The following RAP1GDS1 variants were observed in gnomAD, a reference collection of about 807,000 sequenced individuals.
The protein encoded by RAP1GDS1 is Rap1 GTPase-GDP dissociation stimulator 1.
A neutral mutation model predicts 71.1 loss-of-function variants in RAP1GDS1; 35 were observed. That is an observed-to-expected ratio of 0.49 (90% CI 0.38 to 0.65). The LOEUF (loss-of-function observed/expected upper bound fraction) is 0.65. Among genes scored for constraint, RAP1GDS1 ranks in the 30% least tolerant of loss-of-function variants. The pLI, the probability that RAP1GDS1 is intolerant of heterozygous loss-of-function variation, is 0.00. For missense variants in RAP1GDS1, 663 were observed against 706.1 expected, an observed-to-expected ratio of 0.94 and a Z score of 0.69; for synonymous variants, 229 against 243.1, an observed-to-expected ratio of 0.94 and a Z score of 0.54.
intron 2 of RAP1GDS1, among the ~76,000 whole-genome samples, chr4:98,342,373 C>T (rs1735608112): frequency 6.6e-6 from 1 of 152,222 alleles, no homozygotes; most frequent in South Asian, 2.1e-4. Context: ...TGCCATTTCT[C>T]TTCATTGTTC....
At chr4:98,334,191 A>G (rs1015217750) in intron 2 of RAP1GDS1, among the ~76,000 whole-genome samples, 5 of 152,180 alleles carry the variant, frequency 3.3e-5, no homozygotes, top group African/African-American at 9.6e-5. Context: ...ATCAGATTTT[A>G]CTATGTAGAC....
intron 1 of RAP1GDS1, among the ~76,000 whole-genome samples, chr4:98,272,992 T>C (rs1265991102): frequency 6.6e-6 from 1 of 152,200 alleles, no homozygotes; most frequent in Non-Finnish European, 1.5e-5. Flanking sequence ...TACCAGAGAA[T>C]GGTCGACATT....
At position 98,352,706 on chromosome 4, in the gene RAP1GDS1, C is replaced by T. The variant is rs903848022; in HGVS notation, c.361+105C>T. 5.0e-6 allele frequency: 6 copies of T among 1,211,594 alleles called. No homozygotes were observed. The African/African-American group carries it at 6.1e-5, about 12-fold the overall frequency. The allele number at this position is 1,211,594 out of a possible 1,614,324, so 75.1% of individuals were successfully genotyped here. A position where few individuals can be genotyped will look rare whatever the true frequency, so the allele number is the denominator to read the frequency against. On this transcript the variant is annotated intron_variant, in intron 4 of 14. Coordinates refer to ENST00000408927, the MANE Select transcript of RAP1GDS1 (RefSeq NM_001100427.2). ...TGACTTTTCTAGGCTAAAACACTAA[C>T]ATGGGCCGGCATGATTCAGCACTGC...
At chr4:98,419,603 A>G (rs184851070) in intron 10 of RAP1GDS1, among the ~76,000 whole-genome samples, 7 of 152,350 alleles carry the variant, frequency 4.6e-5, no homozygotes, top group Non-Finnish European at 8.8e-5. Context: ...TGATGATCCA[A>G]TCCATTTGAA....
chr4:98,409,215 A>T (rs1263905834), intron 7 of RAP1GDS1: 1 of 152,182 alleles, frequency 6.6e-6, no homozygotes, highest in Non-Finnish European at 1.5e-5. Context: ...AAAAGAAAAA[A>T]CAGAAAATAA....
intron 12 of RAP1GDS1, among the ~76,000 whole-genome samples, chr4:98,423,997 A>AT (rs1325995032): frequency 6.6e-6 from 1 of 152,200 alleles, no homozygotes; most frequent in African/African-American, 2.4e-5. Flanking sequence ...TTTGAAACAA[A>AT]TTTCATATGG....
chr4:98,293,886 A>G (rs1009865570), intron 2 of RAP1GDS1, among the ~76,000 whole-genome samples: 12 of 151,964 alleles, frequency 7.9e-5, no homozygotes, highest in Non-Finnish European at 1.6e-4. Flanking sequence ...GTGGGGAGGG[A>G]GAGAGAGGAG....
intron 3 of RAP1GDS1, among the ~76,000 whole-genome samples, chr4:98,347,307 TAAAAG>T (rs1425127410): frequency 5.3e-5 from 8 of 151,970 alleles, no homozygotes; most frequent in Non-Finnish European, 8.8e-5. Context: ...TTTGAGAAAG[TAAAAG>T]AAAGAAAGTA....
rs550483725 is a variant in RAP1GDS1 at position 98,402,167 on chromosome 4, G to T, written c.638-2310G>T. The stretch of plus-strand genomic sequence containing the variant: ...TGCTCACTGCACCTCTGCCTCTCAG[G>T]TTTAAGTGATTGTTGTGCCTCAGCC... On this transcript the variant is annotated intron_variant, in intron 6 of 14. Transcript: ENST00000408927. Among the ~76,000 whole-genome samples, 115 of 152,250 alleles carry T rather than the reference G, an allele frequency of 7.6e-4. 2 individuals carry two copies. Among genetic ancestry groups the T allele is most frequent in the African/African-American group, 2.6e-3 (110 of 41,536 alleles).
chr4:98,430,532 A>G (rs567090831), intron 12 of RAP1GDS1, among the ~76,000 whole-genome samples: 95 of 152,346 alleles, frequency 6.2e-4, no homozygotes, highest in African/African-American at 2.2e-3. Flanking sequence ...TTGCATAGGT[A>G]GATTAGTTAT....
chr4:98,369,237 G>T (rs1021551489), intron 4 of RAP1GDS1, among the ~76,000 whole-genome samples: 2 of 152,178 alleles, frequency 1.3e-5, no homozygotes, highest in African/African-American at 4.8e-5. Flanking sequence ...TTCAAGATGA[G>T]ATTTGGGTGG....
chr4:98,421,370 C>T lies in RAP1GDS1; in HGVS notation c.1416C>T (p.Ala472=). Residue 472 remains alanine (A), a synonymous_variant, in exon 12 of 15, where the codon GCC becomes GCT. Transcript: ENST00000408927. ...GGGAGTCAAACAGACTGCTGTCTGCCCTTATACGACACAGTAAATCAAAAG... is the reference window on the plus strand; with the variant it reads ...GGGAGTCAAACAGACTGCTGTCTGCTCTTATACGACACAGTAAATCAAAAG... ...VMGESNRLLS[A]LIRHSKSKDV... is the part of the protein sequence containing the mutation. 6.2e-7 allele frequency: 1 copy of T among 1,600,520 alleles called. No individual in the cohort carries two copies. The highest frequency in any genetic ancestry group is 8.5e-7 in the Non-Finnish European group (1 of 1,173,048).
chr4:98,341,843 A>G (rs1433289929), intron 2 of RAP1GDS1, among the ~76,000 whole-genome samples: 1 of 152,168 alleles, frequency 6.6e-6, no homozygotes, highest in Non-Finnish European at 1.5e-5. Flanking sequence ...GGGTACAAGG[A>G]GCAGTGGTTT....
At chr4:98,299,274 A>G (rs946635737) in intron 2 of RAP1GDS1, among the ~76,000 whole-genome samples, 2 of 152,188 alleles carry the variant, frequency 1.3e-5, no homozygotes, top group Non-Finnish European at 2.9e-5. Flanking sequence ...TCTATGGTGT[A>G]TATGTGCCAC....
At chr4:98,425,367 A>C (rs762369701) in intron 12 of RAP1GDS1, among the ~76,000 whole-genome samples, 6 of 152,224 alleles carry the variant, frequency 3.9e-5, no homozygotes, top group Non-Finnish European at 8.8e-5. Context: ...TAGCATGATG[A>C]ATGGAATAGT....
At chr4:98,289,572 A>AAAAAAAAG (rs1726609646) in intron 1 of RAP1GDS1, among the ~76,000 whole-genome samples, 1 of 148,178 alleles carries the variant, frequency 6.7e-6, no homozygotes, top group African/African-American at 2.6e-5. Flanking sequence ...AAAAAAAAAA[A>AAAAAAAAG]AAAGAAAGAA....
Position 98,433,962 on chromosome 4 carries a change from T to G in RAP1GDS1, c.1467T>G (p.Ser489Arg). The G allele has an allele frequency of 6.2e-7, 1 of 1,608,906 alleles. No homozygotes were observed. The highest frequency in any genetic ancestry group is 8.5e-7 in the Non-Finnish European group (1 of 1,175,282). ...SKDVIKTIVQ[S>R]GGIKHLVTMA... is the part of the protein sequence containing the mutation. The stretch of plus-strand genomic sequence containing the variant: ...ATGTAATTAAAACCATTGTGCAGAG[T>G]GGTGGCATCAAGCATCTAGTTACCA... The change falls in exon 13 of 15, where the codon AGT (serine) becomes AGG (arginine). Residue 489 changes from serine (S) to arginine (R), a missense_variant. By Grantham distance (110) the Ser-to-Arg change is moderately radical (BLOSUM62 -1). Coordinates refer to ENST00000408927, the MANE Select transcript of RAP1GDS1 (RefSeq NM_001100427.2).
chr4:98,385,540 C>T (rs898250159), intron 5 of RAP1GDS1, among the ~76,000 whole-genome samples: 2 of 151,774 alleles, frequency 1.3e-5, no homozygotes, highest in Non-Finnish European at 3.0e-5. Flanking sequence ...GCGCTGAACC[C>T]AGAAAAGCAT....
At chr4:98,418,594 G>A in intron 9 of RAP1GDS1, 63 bp from the exon 10 acceptor site, 1 of 1,399,898 alleles carries the variant, frequency 7.1e-7, no homozygotes. Context: ...CCAGACATCA[G>A]TATTATAAAG....
Sources: allele counts gnomAD v4.1 joint callset (sites outside exome capture counted in the v4.1 genomes callset), GRCh38; gene constraint gnomAD v4.1.1; transcripts MANE v1.5; gene names NCBI Gene and HGNC (gene_info 2026-07-23, HGNC 2026-07-21).